The following PLXNA4 variants were observed in gnomAD, a reference collection of about 807,000 sequenced individuals.
PLXNA4 encodes plexin A4, also known as plexin-A4.
In PLXNA4, 44 loss-of-function variants were observed where a neutral mutation model predicts 191.8. That is an observed-to-expected ratio of 0.23 (90% confidence interval 0.18 to 0.29). The LOEUF is 0.29. Among genes scored for constraint, PLXNA4 ranks in the 10% least tolerant of loss-of-function variants. The pLI is 1.00. For synonymous variants in PLXNA4, 1,082 were observed against 1,009.5 expected (o/e 1.07, Z -1.36); for missense variants, 1,800 against 2,488.8 (o/e 0.72, Z 5.89).
intron 3 of PLXNA4, among the ~76,000 whole-genome samples, chr7:132,347,519 C>T (rs1013553640): frequency 6.6e-6 from 1 of 152,176 alleles, no homozygotes; most frequent in Non-Finnish European, 1.5e-5. Context: ...CAAATCAACG[C>T]CAGCTCAATG....
upstream of PLXNA4, among the ~76,000 whole-genome samples, chr7:132,580,656 G>A (rs1331008992): frequency 6.6e-6 from 1 of 152,152 alleles, no homozygotes; most frequent in Non-Finnish European, 1.5e-5. Flanking sequence ...ATAGGAAAGA[G>A]GAGAAGAAAC....
At chr7:132,410,484 C>G (rs139683066) in intron 3 of PLXNA4, among the ~76,000 whole-genome samples, 2 of 152,184 alleles carry the variant, frequency 1.3e-5, no homozygotes, top group African/African-American at 2.4e-5. Flanking sequence ...CAGGGATAAC[C>G]GTTAGAACTG....
chr7:132,508,027 C>T lies in PLXNA4; in HGVS notation c.667G>A (p.Val223Met), dbSNP rs1272150577. ...GAAGGGATCTTAATCATCGAGGCCACGAACTCATCATGGAAGACGTACGCG... is the reference window on the plus strand; with the variant it reads ...GAAGGGATCTTAATCATCGAGGCCATGAACTCATCATGGAAGACGTACGCG... ...MFAYVFHDEF[V>M]ASMIKIPSDT... is the part of the protein sequence containing the mutation. The change falls in exon 2 of 32, where the codon GTG (valine) becomes ATG (methionine). Residue 223 changes from valine to methionine, a missense_variant. By Grantham distance (21) the Val-to-Met change is conservative. This residue lies in a region of PLXNA4 where 1,397 missense variants were observed against 1,880.4 expected (regional missense o/e 0.74). Transcript: ENST00000321063. The surrounding 1 kb of genome is among the most constrained non-coding windows in gnomAD (Gnocchi z 4.4). The T allele has an allele frequency of 1.2e-6, 2 of 1,614,202 alleles. No individual in the cohort carries two copies. Among genetic ancestry groups the T allele is most frequent in the Non-Finnish European group, 1.7e-6 (2 of 1,180,044 alleles).
At chr7:132,228,087 G>A (rs1293397253) in intron 6 of PLXNA4, among the ~76,000 whole-genome samples, 1 of 152,032 alleles carries the variant, frequency 6.6e-6, no homozygotes, top group Non-Finnish European at 1.5e-5. Context: ...TCACCCTTTG[G>A]TCATTTTTGG....
intron 2 of PLXNA4, among the ~76,000 whole-genome samples, chr7:132,589,893 C>T (rs960311654): frequency 3.3e-5 from 5 of 152,016 alleles, no homozygotes; most frequent in South Asian, 2.1e-4. Context: ...AGCCAGCAGA[C>T]GAGAGAAGAT....
intron 3 of PLXNA4, chr7:132,384,207 A>T: frequency 1.0e-6 from 1 of 985,436 alleles, no homozygotes; most frequent in Non-Finnish European, 1.2e-6. Context: ...TCCTCCAGGA[A>T]CTATACGAGG....
chr7:132,500,587 A>C (rs1798207934), intron 2 of PLXNA4, among the ~76,000 whole-genome samples: 1 of 152,082 alleles, frequency 6.6e-6, no homozygotes, highest in Non-Finnish European at 1.5e-5. Flanking sequence ...AATCTCTCAA[A>C]AGCAGGTATT....
At chr7:132,159,755 G>A (rs1795893851) in intron 24 of PLXNA4, 123 bp from the exon 25 acceptor site, 1 of 1,490,034 alleles carries the variant, frequency 6.7e-7, no homozygotes, top group African/African-American at 1.4e-5. Flanking sequence ...GGCTAGGGAG[G>A]AGTAGGGTGG....
At chr7:132,507,280 G>A (rs1001936350) in intron 2 of PLXNA4, among the ~76,000 whole-genome samples, 1 of 152,290 alleles carries the variant, frequency 6.6e-6, no homozygotes, top group East Asian at 1.9e-4. Context: ...AAAGTACACT[G>A]ATGGGAATTT....
intron 3 of PLXNA4, among the ~76,000 whole-genome samples, chr7:132,304,400 A>G (rs975952879): frequency 2.0e-5 from 3 of 152,246 alleles, no homozygotes; most frequent in Admixed American, 2.0e-4. Flanking sequence ...AAAATTTTCT[A>G]GTAGTGGCCA....
intron 3 of PLXNA4, chr7:132,383,912 C>A (rs1293125169): frequency 1.0e-6 from 1 of 985,310 alleles, no homozygotes; most frequent in African/African-American, 1.7e-5. Flanking sequence ...ACATGGAACT[C>A]CTGGGACGTA....
intron 2 of PLXNA4, among the ~76,000 whole-genome samples, chr7:132,638,610 C>G (rs1803656474): frequency 6.6e-6 from 1 of 152,076 alleles, no homozygotes; most frequent in Non-Finnish European, 1.5e-5. Context: ...TGAGATTGCA[C>G]CACTGCACTC....
chr7:132,431,021 A>C (rs1365376900), intron 3 of PLXNA4, among the ~76,000 whole-genome samples: 3 of 152,178 alleles, frequency 2.0e-5, no homozygotes, highest in Non-Finnish European at 4.4e-5. Context: ...GCTCAAGTCC[A>C]ACTCCAGCAC....
intron 3 of PLXNA4, among the ~76,000 whole-genome samples, chr7:132,447,373 T>C (rs1795950794): frequency 6.6e-6 from 1 of 152,174 alleles, no homozygotes; most frequent in Non-Finnish European, 1.5e-5. Flanking sequence ...GGGAAAACTG[T>C]GGAAAATGTC....
intron 2 of PLXNA4, among the ~76,000 whole-genome samples, chr7:132,610,051 C>A (rs1803016455): frequency 6.6e-6 from 1 of 152,352 alleles, no homozygotes; most frequent in South Asian, 2.1e-4. Flanking sequence ...ATGCCCAGCT[C>A]TCTTCACAAG....
rs1563044526 is a variant in PLXNA4, at chr7:132,127,945, TTTTTC to T, written c.*2529_*2533del. 11 of 151,586 alleles carry T rather than the reference TTTTTC, an allele frequency of 7.3e-5. No individual in the cohort carries two copies. In the South Asian group the frequency reaches 8.5e-4, roughly 12 times the overall value. The allele number at this position is 151,586 out of a possible 1,614,324, so 9.4% of individuals were successfully genotyped here. On this transcript the variant is annotated 3_prime_UTR_variant, in exon 32 of 32. Transcript: ENST00000321063. ...GCTTCAGCAGAACCGTGATAAGTCT[TTTTTC>T]TTTTTTTTTTCTGCTTGTTTGATTT...
chr7:132,196,750 C>T (rs976311235), intron 13 of PLXNA4, among the ~76,000 whole-genome samples: 3 of 152,226 alleles, frequency 2.0e-5, no homozygotes, highest in East Asian at 1.9e-4. Flanking sequence ...AGCTACTTCT[C>T]ATGACTCTCT....
chr7:132,434,684 T>G (rs1046996170), intron 3 of PLXNA4, among the ~76,000 whole-genome samples: 1 of 152,226 alleles, frequency 6.6e-6, no homozygotes, highest in Non-Finnish European at 1.5e-5. Context: ...GAACCCCATC[T>G]TGCCTCATTT....
At chr7:132,240,935 A>C (rs1798856393) in intron 5 of PLXNA4, 131 bp downstream of exon 5, 2 of 600,130 alleles carry the variant, frequency 3.3e-6, no homozygotes. Flanking sequence ...AAAGGATGCA[A>C]GGAAGGAAGA....
Sources: gnomAD v4.1 joint callset for allele counts (sites outside exome capture counted in the v4.1 genomes callset) on GRCh38, gnomAD v4.1.1 for gene constraint, gnomAD v4.1.1 regional missense constraint, Gnocchi (gnomAD v3.1) non-coding constraint, MANE v1.5 for transcripts, NCBI Gene and HGNC (gene_info 2026-07-23, HGNC 2026-07-21) for gene names.